Variants in KCNJ10 observed in about 807,000 individuals in gnomAD.
The protein encoded by KCNJ10 is potassium inwardly rectifying channel subfamily J member 10.
Under a neutral mutation model 22.2 loss-of-function variants are expected in KCNJ10, and 9 were observed. That is an observed-to-expected ratio of 0.40 (90% CI 0.24 to 0.71). The LOEUF (loss-of-function observed/expected upper bound fraction) is 0.71. Among genes scored for constraint, KCNJ10 ranks in the 30% least tolerant of loss-of-function variants. KCNJ10 has a pLI of 0.35. For missense variants in KCNJ10, 337 were observed against 482.7 expected, an observed-to-expected ratio of 0.70 and a Z score of 2.83; for synonymous variants, 184 against 187.3, an observed-to-expected ratio of 0.98 and a Z score of 0.15.
intron 1 of KCNJ10, among the ~76,000 whole-genome samples, chr1:160,046,295 A>G (rs1648739628): frequency 6.6e-6 from 1 of 152,206 alleles, no homozygotes; most frequent in Admixed American, 6.5e-5. Flanking sequence ...TCACACCATG[A>G]GGTAGGTAAG....
chr1:160,046,208 GC>G (rs1648738314), intron 1 of KCNJ10, among the ~76,000 whole-genome samples: 1 of 152,112 alleles, frequency 6.6e-6, no homozygotes, highest in Non-Finnish European at 1.5e-5. Context: ...CCCAAGAAAA[GC>G]CTTGCTTATC....
At chr1:160,045,780 G>A (rs1423748072) in intron 1 of KCNJ10, among the ~76,000 whole-genome samples, 2 of 152,218 alleles carry the variant, frequency 1.3e-5, no homozygotes, top group Non-Finnish European at 2.9e-5. Context: ...TGATTCAGGA[G>A]AAGAGACAAT....
intron 1 of KCNJ10, among the ~76,000 whole-genome samples, chr1:160,043,464 T>A (rs1326917275): frequency 6.6e-6 from 1 of 152,186 alleles, no homozygotes; most frequent in African/African-American, 2.4e-5. Flanking sequence ...TCATTTTTTA[T>A]CATCATCATC....
At position 160,053,451 on chromosome 1, in the gene KCNJ10, C is replaced by T. The variant is rs116350739; in HGVS notation, c.1-10919G>A. Among the ~76,000 whole-genome samples the T allele has an allele frequency of 9.5e-3, 1,448 of 152,230 alleles. 22 individuals are homozygous for T. The highest frequency in any genetic ancestry group is 0.033 in the African/African-American group (1,352 of 41,524). ...GAAAAGCACTGCATGGTTATGTAAG[C>T]CCTCAAGGTTGGAAGAAGAATGGAG... On this transcript the variant is annotated intron_variant, in intron 1 of 1. Coordinates refer to ENST00000644903, the MANE Select transcript of KCNJ10 (RefSeq NM_002241.5).
chr1:160,042,522 A>G lies in KCNJ10; in HGVS notation c.11T>C (p.Val4Ala), dbSNP rs1354455168. 6.2e-7 allele frequency: 1 copy of G among 1,614,048 alleles called. No individual in the cohort carries two copies. The change falls in exon 2 of 2, where the codon GTT becomes GCT. Residue 4 changes from valine to alanine, a missense_variant. Physicochemically the swap from Val to Ala is moderately conservative, Grantham distance 64. This residue lies in a region of KCNJ10 where 107 missense variants were observed against 135.2 expected (regional missense o/e 0.79). Transcript: ENST00000644903. ...GGTCTGACTGTAATACACCTTGGCA[A>G]CTGACGTCATCTGGAGGGAGCAAGA... The part of the protein sequence containing the change: MTS[V>A]AKVYYSQTTQ...
chr1:160,063,591 T>G (rs1236197482), intron 1 of KCNJ10: 1 of 152,232 alleles, frequency 6.6e-6, no homozygotes, highest in Non-Finnish European at 1.5e-5. Context: ...AAAAGAAAGG[T>G]AAAGTCTGCT....
At chr1:160,044,354 AG>A (rs1289552463) in intron 1 of KCNJ10, among the ~76,000 whole-genome samples, 1 of 152,248 alleles carries the variant, frequency 6.6e-6, no homozygotes, top group African/African-American at 2.4e-5. Context: ...AGCCCTATTT[AG>A]TACTCAGTAG....
intron 1 of KCNJ10, among the ~76,000 whole-genome samples, chr1:160,069,002 A>G (rs1649389827): frequency 6.6e-6 from 1 of 152,266 alleles, no homozygotes; most frequent in South Asian, 2.1e-4. Context: ...CAGCAAGAGC[A>G]GACTGGCCAG....
intron 1 of KCNJ10, among the ~76,000 whole-genome samples, chr1:160,068,500 G>C (rs1649378092): frequency 6.6e-6 from 1 of 152,134 alleles, no homozygotes; most frequent in Non-Finnish European, 1.5e-5. Context: ...CCAAAGGACT[G>C]GGGGAAGGCA....
At chr1:160,047,413 C>A (rs1301302703) in intron 1 of KCNJ10, among the ~76,000 whole-genome samples, 3 of 152,210 alleles carry the variant, frequency 2.0e-5, no homozygotes, top group Non-Finnish European at 4.4e-5. Context: ...TCTGTTTTCT[C>A]TGTAGCCTCT....
At chr1:160,060,083 C>G (rs1330553014) in intron 1 of KCNJ10, among the ~76,000 whole-genome samples, 1 of 152,176 alleles carries the variant, frequency 6.6e-6, no homozygotes, top group Admixed American at 6.5e-5. Flanking sequence ...AGAGCAGCCT[C>G]TGACCCTCAC....
chr1:160,044,756 C>G (rs1648700900), intron 1 of KCNJ10: 1 of 152,180 alleles, frequency 6.6e-6, no homozygotes, highest in South Asian at 2.1e-4. Context: ...TGGCTCATAC[C>G]TGTATCCCAG....
At chr1:160,049,691 A>ATT (rs1553235658) in intron 1 of KCNJ10, among the ~76,000 whole-genome samples, 1 of 113,492 alleles carries the variant, frequency 8.8e-6, no homozygotes, top group Non-Finnish European at 1.8e-5. Flanking sequence ...ATATATATAT[A>ATT]TATATATATA....
chr1:160,051,421 A>T (rs991385678), intron 1 of KCNJ10, among the ~76,000 whole-genome samples: 1 of 152,112 alleles, frequency 6.6e-6, no homozygotes, highest in East Asian at 1.9e-4. Context: ...TTATCTTCAT[A>T]ATTACTGCTG....
intron 1 of KCNJ10, among the ~76,000 whole-genome samples, chr1:160,060,866 T>C (rs545011049): frequency 6.6e-6 from 1 of 152,134 alleles, no homozygotes; most frequent in African/African-American, 2.4e-5. Flanking sequence ...GACTTATAAT[T>C]GATAGAGATC....
intron 1 of KCNJ10, among the ~76,000 whole-genome samples, chr1:160,060,119 T>C (rs1649150099): frequency 6.6e-6 from 1 of 152,098 alleles, no homozygotes; most frequent in South Asian, 2.1e-4. Flanking sequence ...GAGCTCACCA[T>C]GACTCTGGGA....
At chr1:160,054,213 A>C (rs114421143) in intron 1 of KCNJ10, among the ~76,000 whole-genome samples, 1,581 of 152,204 alleles carry the variant, frequency 0.01, 23 homozygotes, top group African/African-American at 0.034. Flanking sequence ...CTCCTGAGTC[A>C]TCACCCCATC....
Position 160,041,149 on chromosome 1 carries a change from T to TC in KCNJ10, c.*243dup, listed in dbSNP as rs1296188932. ...GCCACTTCAGCCTAATCCCACTCTTTCCCCCATCCTGGCTTAAGGGAGGTA... is the reference window on the plus strand; with the variant it reads ...GCCACTTCAGCCTAATCCCACTCTTTCCCCCCATCCTGGCTTAAGGGAGGTA... On this transcript the variant is annotated 3_prime_UTR_variant, in exon 2 of 2. Transcript: ENST00000644903. This position sits in a 1 kb window ranked among gnomAD's most constrained non-coding sequence, Gnocchi z 4.4. The TC allele has an allele frequency of 7.1e-6, 4 of 564,242 alleles. No individual in the cohort carries two copies. Among genetic ancestry groups the TC allele is most frequent in the Admixed American group, 3.0e-5 (1 of 32,960 alleles). The allele number at this position is 564,242 out of a possible 1,614,324, so 35.0% of individuals were successfully genotyped here. A position where few individuals can be genotyped will look rare whatever the true frequency, so the allele number is the denominator to read the frequency against.
intron 1 of KCNJ10, among the ~76,000 whole-genome samples, chr1:160,047,422 C>T (rs1299629414): frequency 6.6e-6 from 1 of 152,188 alleles, no homozygotes; most frequent in Non-Finnish European, 1.5e-5. Flanking sequence ...TCTGTAGCCT[C>T]TCAGCACACC....
Sources: allele counts gnomAD v4.1 joint callset (sites outside exome capture counted in the v4.1 genomes callset), GRCh38; gene constraint gnomAD v4.1.1; regional missense constraint gnomAD v4.1.1; non-coding constraint Gnocchi (gnomAD v3.1); transcripts MANE v1.5; gene names NCBI Gene and HGNC (gene_info 2026-07-23, HGNC 2026-07-21).